Variants in PITPNC1 observed in about 807,000 individuals in gnomAD.
PITPNC1 encodes the protein phosphatidylinositol transfer protein cytoplasmic 1.
PITPNC1 carries 18 observed loss-of-function variants against 44.7 expected under a neutral mutation model. The observed-to-expected ratio is 0.40, with a 90% CI of 0.28 to 0.60. PITPNC1 has a LOEUF of 0.60. PITPNC1 is among the 20% of genes least tolerant of loss of function. The pLI, the probability that PITPNC1 is intolerant of heterozygous loss-of-function variation, is 0.39. For synonymous variants in PITPNC1, 141 were observed against 149.6 expected (o/e 0.94, Z 0.42); for missense variants, 290 against 418.4 (o/e 0.69, Z 2.68).
intron 2 of PITPNC1, among the ~76,000 whole-genome samples, chr17:67,534,821 C>T (rs1400871680): frequency 3.9e-5 from 6 of 152,156 alleles, no homozygotes. Context: ...TTCCAACACC[C>T]TAGCTGGGCA....
chr17:67,560,730 C>T (rs1167510869), intron 4 of PITPNC1, among the ~76,000 whole-genome samples: 1 of 152,224 alleles, frequency 6.6e-6, no homozygotes, highest in African/African-American at 2.4e-5. Context: ...CTTGCTCTAG[C>T]TGTTCCCAAG....
chr17:67,604,649 A>T (rs1044819646), intron 5 of PITPNC1, among the ~76,000 whole-genome samples: 3 of 152,010 alleles, frequency 2.0e-5, no homozygotes, highest in Non-Finnish European at 1.5e-5. Context: ...CAGGCGTGAA[A>T]GCATGTACCT....
chr17:67,499,909 C>T (rs1159028584), intron 1 of PITPNC1, among the ~76,000 whole-genome samples: 4 of 152,208 alleles, frequency 2.6e-5, no homozygotes, highest in African/African-American at 9.6e-5. Context: ...CATCGTTAAG[C>T]AATGCATGAC....
intron 1 of PITPNC1, among the ~76,000 whole-genome samples, chr17:67,461,712 A>T (rs1393971430): frequency 6.6e-6 from 1 of 152,222 alleles, no homozygotes; most frequent in Non-Finnish European, 1.5e-5. Context: ...GCTTGAGAGC[A>T]GGAGTTCAAG....
intron 6 of PITPNC1, among the ~76,000 whole-genome samples, chr17:67,653,216 A>T (rs1440813952): frequency 6.6e-6 from 1 of 152,148 alleles, no homozygotes; most frequent in Non-Finnish European, 1.5e-5. Flanking sequence ...CAGGAGGTGG[A>T]GGTTGGATGG....
intron 1 of PITPNC1, among the ~76,000 whole-genome samples, chr17:67,471,754 T>C (rs1294964804): frequency 6.6e-6 from 1 of 151,988 alleles, no homozygotes; most frequent in Non-Finnish European, 1.5e-5. Context: ...CTAATTATGA[T>C]ACATTTATCA....
intron 1 of PITPNC1, among the ~76,000 whole-genome samples, chr17:67,445,006 T>TA (rs2039075296): frequency 4.8e-5 from 2 of 41,528 alleles, no homozygotes; most frequent in Non-Finnish European, 1.2e-4. Context: ...TTATATGTCT[T>TA]GTTTTTTTTA....
intron 1 of PITPNC1, among the ~76,000 whole-genome samples, chr17:67,393,909 G>A (rs550402282): frequency 3.3e-5 from 5 of 152,216 alleles, no homozygotes; most frequent in South Asian, 2.1e-4. Context: ...GTGTAATGGC[G>A]TATGAATAAG....
intron 1 of PITPNC1, among the ~76,000 whole-genome samples, chr17:67,501,245 A>G (rs2040025876): frequency 6.6e-6 from 1 of 152,010 alleles, no homozygotes; most frequent in Non-Finnish European, 1.5e-5. Flanking sequence ...TTTACCATCG[A>G]CTATTCCTTT....
At position 67,524,925 on chromosome 17, in the gene PITPNC1, G is replaced by A. The variant is rs1374739553; in HGVS notation, c.49-7877G>A. The A allele has an allele frequency of 7.6e-5, 2 of 26,174 alleles. 1 individual carries two copies. The highest frequency in any genetic ancestry group is 1.4e-4 in the Non-Finnish European group (2 of 14,784). The allele number at this position is 26,174 out of a possible 1,614,324, so 1.6% of individuals were successfully genotyped here. On this transcript the variant is annotated intron_variant, in intron 1 of 8. Transcript: ENST00000581322. ...GCTGGGACTACAGGCGCCCGCCACC[G>A]CGCCCGGCTAATTTTTTGTATTTTT...
At chr17:67,394,548 C>G (rs1330993617) in intron 1 of PITPNC1, among the ~76,000 whole-genome samples, 2 of 152,062 alleles carry the variant, frequency 1.3e-5, no homozygotes, top group Non-Finnish European at 2.9e-5. Flanking sequence ...AGGTCATTGG[C>G]TATAGGGAGT....
intron 6 of PITPNC1, among the ~76,000 whole-genome samples, chr17:67,652,113 C>T (rs966856527): frequency 1.3e-5 from 2 of 152,214 alleles, no homozygotes; most frequent in Admixed American, 6.5e-5. Context: ...TTATCAAAAA[C>T]TTCTCATTTC....
chr17:67,637,216 A>C (rs891125948), intron 6 of PITPNC1, among the ~76,000 whole-genome samples: 2 of 152,164 alleles, frequency 1.3e-5, no homozygotes, highest in African/African-American at 4.8e-5. Flanking sequence ...CAGCAGTGAC[A>C]ATTTCAGAGC....
Position 67,695,792 on chromosome 17 carries a change from A to AAGAT in PITPNC1, c.*2905_*2908dup, listed in dbSNP as rs1419304518. On this transcript the variant is annotated 3_prime_UTR_variant, in exon 9 of 9. Transcript: ENST00000581322. Reference sequence around the variant, plus strand: ...TGACTGTACATTTCATAACTCTGGGAAGATTTCAAATGTGAAGTGCCCCTG... The same window carrying AAGAT: ...TGACTGTACATTTCATAACTCTGGGAAGATAGATTTCAAATGTGAAGTGCCCCTG... 3 of 152,228 alleles carry AAGAT rather than the reference A, an allele frequency of 2.0e-5. No homozygotes were observed. Among genetic ancestry groups the AAGAT allele is most frequent in the Non-Finnish European group, 4.4e-5 (3 of 68,010 alleles). The allele number at this position is 152,228 out of a possible 1,614,324, so 9.4% of individuals were successfully genotyped here.
At chr17:67,492,011 TTA>T in intron 1 of PITPNC1, among the ~76,000 whole-genome samples, 1 of 145,638 alleles carries the variant, frequency 6.9e-6, no homozygotes. Flanking sequence ...TCTTTTTTTT[TTA>T]AAAAAAAAAA....
intron 4 of PITPNC1, among the ~76,000 whole-genome samples, chr17:67,565,904 GTGTGTATACTCGTTTTCCATGTTTTTCGA>G (rs2040974190): frequency 6.6e-6 from 1 of 151,880 alleles, no homozygotes; most frequent in African/African-American, 2.4e-5. Context: ...ATGTTTTTCA[GTGTGTATACTCGTTTTCCATGTTTTTCGA>G]TGTGTATACT....
chr17:67,552,678 C>T (rs1233842846), intron 3 of PITPNC1, among the ~76,000 whole-genome samples: 2 of 151,856 alleles, frequency 1.3e-5, no homozygotes, highest in Admixed American at 6.6e-5. Context: ...GTCAGGAGTT[C>T]GAGACCAGCC....
chr17:67,632,370 T>G, intron 6 of PITPNC1, 132 bp downstream of exon 6: 1 of 638,756 alleles, frequency 1.6e-6, no homozygotes, highest in Non-Finnish European at 2.8e-6. Context: ...CGTATCTTGC[T>G]GGTTCTTTTT....
intron 1 of PITPNC1, among the ~76,000 whole-genome samples, chr17:67,386,788 A>G (rs2038060909): frequency 6.6e-6 from 1 of 152,120 alleles, no homozygotes; most frequent in South Asian, 2.1e-4. Flanking sequence ...AAGTCTGAAA[A>G]CTAGGTAACA....
Sources: allele counts gnomAD v4.1 joint callset (sites outside exome capture counted in the v4.1 genomes callset), GRCh38; gene constraint gnomAD v4.1.1; transcripts MANE v1.5; gene names NCBI Gene and HGNC (gene_info 2026-07-23, HGNC 2026-07-21).